GLB1: variants seen among roughly 807,000 people sequenced by gnomAD.
GLB1 encodes the protein beta-galactosidase.
In GLB1, 56 loss-of-function variants were observed where a neutral mutation model predicts 74.0. That is an observed-to-expected ratio of 0.76 (90% CI 0.61 to 0.94). GLB1 has a LOEUF of 0.94. Among genes scored for constraint, GLB1 ranks in the 40% least tolerant of loss-of-function variants. GLB1 has a pLI of 0.00. For synonymous variants in GLB1, 323 were observed against 323.6 expected (o/e 1.00, Z 0.02); for missense variants, 787 against 845.5 (o/e 0.93, Z 0.86).
At chr3:33,043,318 T>C (rs1698580581) in intron 10 of GLB1, among the ~76,000 whole-genome samples, 1 of 152,194 alleles carries the variant, frequency 6.6e-6, no homozygotes, top group African/African-American at 2.4e-5. Context: ...TTAGAGGGGC[T>C]TCCGGGGAGC....
At chr3:32,984,566 C>T in the GLB1 span, among the ~76,000 whole-genome samples, 39 of 151,890 alleles carry the variant, frequency 2.6e-4, no homozygotes, top group Admixed American at 9.8e-4. Context: ...TCACCTGAGC[C>T]CAGAAATTTG....
In GLB1 at chr3:33,093,419, G is replaced by A. The variant is rs367832132; in HGVS notation, c.75+3592C>T. ...GTGAATGAAGCTGGCCCAGAGGAGC[G>A]ACAGCCGTCCGCAGGACCGAGGCTT... On this transcript the variant is annotated intron_variant, in intron 1 of 15. Transcript: ENST00000307363. This position sits in a 1 kb window ranked among gnomAD's most constrained non-coding sequence, Gnocchi z 6.0. 34 of 1,613,964 alleles carry A rather than the reference G, an allele frequency of 2.1e-5. No homozygotes were observed. The highest frequency in any genetic ancestry group is 5.0e-5 in the Admixed American group (3 of 59,976).
At chr3:33,042,370 C>T (rs934010944) in intron 10 of GLB1, among the ~76,000 whole-genome samples, 17 of 99,234 alleles carry the variant, frequency 1.7e-4, no homozygotes, top group Non-Finnish European at 2.2e-4. Context: ...TCATCTCCTC[C>T]TTTTTTTTTT....
At chr3:32,971,958 G>A in the GLB1 span, among the ~76,000 whole-genome samples, 1 of 152,072 alleles carries the variant, frequency 6.6e-6, no homozygotes, top group Non-Finnish European at 1.5e-5. Context: ...TTCCTCGAAG[G>A]CAAGAGGAAC....
At chr3:32,988,700 A>C in the GLB1 span, among the ~76,000 whole-genome samples, 1 of 152,240 alleles carries the variant, frequency 6.6e-6, no homozygotes. Context: ...CAGTGAACTG[A>C]GATGAATCTG....
At chr3:33,057,530 G>A (rs1699267988) in intron 6 of GLB1, among the ~76,000 whole-genome samples, 1 of 152,204 alleles carries the variant, frequency 6.6e-6, no homozygotes, top group Non-Finnish European at 1.5e-5. Flanking sequence ...ACAGCACTGT[G>A]TAAGGAATCT....
chr3:32,999,809 C>G (rs1250776967), intron 15 of GLB1, among the ~76,000 whole-genome samples: 2 of 152,178 alleles, frequency 1.3e-5, no homozygotes, highest in Non-Finnish European at 2.9e-5. Flanking sequence ...CACCACCATG[C>G]CCAGCTCATT....
chr3:33,059,780 G>A (rs977872090), intron 5 of GLB1, among the ~76,000 whole-genome samples: 8 of 152,158 alleles, frequency 5.3e-5, no homozygotes, highest in Non-Finnish European at 8.8e-5. Context: ...GCGCATTTAC[G>A]TATGTATGCT....
intron 15 of GLB1, among the ~76,000 whole-genome samples, chr3:33,011,596 G>C (rs1319721181): frequency 1.6e-5 from 2 of 126,016 alleles, no homozygotes; most frequent in Non-Finnish European, 3.1e-5. Context: ...AGTGAGCAGA[G>C]ATCACACCAC....
chr3:33,060,434 C>A (rs1052465303), intron 5 of GLB1, among the ~76,000 whole-genome samples: 1 of 152,146 alleles, frequency 6.6e-6, no homozygotes, highest in Non-Finnish European at 1.5e-5. Context: ...TTTTCTCCTC[C>A]TTTATAAGTG....
Position 33,046,251 on chromosome 3 carries a change from C to A in GLB1, c.956-19G>T. The A allele has an allele frequency of 1.2e-6, 2 of 1,613,476 alleles. No individual in the cohort carries two copies. The highest frequency in any genetic ancestry group is 8.5e-7 in the Non-Finnish European group (1 of 1,179,654). On this transcript the variant is annotated intron_variant, in intron 9 of 15. Coordinates refer to ENST00000307363, the MANE Select transcript of GLB1 (RefSeq NM_000404.4). ...TTGGCCCCTAGAAGACAAAAATGTGCCACTAGTTATTACTGATGGTGCAGC... is the reference window on the plus strand; with the variant it reads ...TTGGCCCCTAGAAGACAAAAATGTGACACTAGTTATTACTGATGGTGCAGC...
At chr3:33,036,812 T>C (rs544353146) in intron 10 of GLB1, among the ~76,000 whole-genome samples, 5 of 152,218 alleles carry the variant, frequency 3.3e-5, no homozygotes, top group South Asian at 2.1e-4. Flanking sequence ...ATATCTAGAA[T>C]AGGCAAATTC....
chr3:32,987,869 C>T, the GLB1 span, among the ~76,000 whole-genome samples: 2 of 151,990 alleles, frequency 1.3e-5, no homozygotes, highest in Non-Finnish European at 2.9e-5. Context: ...AATATTGGAG[C>T]TTAATAACAT....
intron 15 of GLB1, among the ~76,000 whole-genome samples, chr3:33,000,497 C>T (rs1017179377): frequency 1.3e-5 from 2 of 152,126 alleles, no homozygotes; most frequent in African/African-American, 4.8e-5. Context: ...GAAGCCAAGG[C>T]GGGCAAATCA....
At chr3:33,026,973 C>G (rs763240536) in intron 10 of GLB1, among the ~76,000 whole-genome samples, 1 of 152,240 alleles carries the variant, frequency 6.6e-6, no homozygotes, top group Non-Finnish European at 1.5e-5. Flanking sequence ...AACTCAAGAT[C>G]CGCTGAATGG....
intron 1 of GLB1, among the ~76,000 whole-genome samples, chr3:33,073,694 A>G (rs940991159): frequency 2.6e-5 from 4 of 152,004 alleles, no homozygotes; most frequent in South Asian, 2.1e-4. Flanking sequence ...TCTCAAAAAA[A>G]TAATAAAATA....
downstream of GLB1, among the ~76,000 whole-genome samples, chr3:32,992,987 T>A (rs186507988): frequency 1.7e-3 from 259 of 152,308 alleles, 1 homozygote; most frequent in African/African-American, 5.8e-3. Flanking sequence ...TCGGGGCGAT[T>A]TTCCTTGCAG....
chr3:33,088,576 C>G (rs1164123473), intron 1 of GLB1, among the ~76,000 whole-genome samples: 2 of 151,784 alleles, frequency 1.3e-5, no homozygotes, highest in African/African-American at 4.8e-5. Context: ...TAGAAATAGG[C>G]CTAACTAAGG....
chr3:33,025,401 T>C (rs1285631179), intron 10 of GLB1, among the ~76,000 whole-genome samples: 3 of 152,220 alleles, frequency 2.0e-5, no homozygotes, highest in African/African-American at 7.2e-5. Context: ...AATTATGGAG[T>C]AAGAAGATCT....
Sources: allele counts gnomAD v4.1 joint callset (sites outside exome capture counted in the v4.1 genomes callset), GRCh38; gene constraint gnomAD v4.1.1; non-coding constraint Gnocchi (gnomAD v3.1); transcripts MANE v1.5; gene names NCBI Gene and HGNC (gene_info 2026-07-23, HGNC 2026-07-21).